VIPR1: variants seen among roughly 807,000 people sequenced by gnomAD.
The protein encoded by VIPR1 is vasoactive intestinal peptide receptor 1.
A neutral mutation model predicts 58.8 loss-of-function variants in VIPR1; 59 were observed. That is an observed-to-expected ratio of 1.00 (90% CI 0.81 to 1.25). VIPR1 has a LOEUF of 1.25. Among genes scored for constraint, VIPR1 ranks in the 50% most tolerant of loss-of-function variants. The pLI is 0.00. For synonymous variants in VIPR1, 251 were observed against 242.1 expected (o/e 1.04, Z -0.34); for missense variants, 626 against 602.7 (o/e 1.04, Z -0.40).
Position 42,531,539 on chromosome 3 carries a change from G to T in VIPR1, c.851+8G>T. ...CCATTTTGAGGATTATGGGTGAGCT[G>T]CTGCCCCACACACTCCCCCGGCCGC... is the stretch of plus-strand genomic sequence containing the variant. On this transcript the variant is annotated splice_region_variant and intron_variant, in intron 8 of 12. Coordinates refer to ENST00000325123, the MANE Select transcript of VIPR1 (RefSeq NM_004624.4). 1 of 1,594,122 alleles carries T rather than the reference G, an allele frequency of 6.3e-7. No individual in the cohort carries two copies. Among genetic ancestry groups the T allele is most frequent in the East Asian group, 2.3e-5 (1 of 43,990 alleles).
Position 42,535,102 on chromosome 3 carries a change from C to CAA in VIPR1, c.1139_1140insAA (p.Gly381ArgfsTer20). 1 of 1,614,188 alleles carries CAA rather than the reference C, an allele frequency of 6.2e-7. No individual in the cohort carries two copies. The highest frequency in any genetic ancestry group is 8.5e-7 in the Non-Finnish European group (1 of 1,180,022). ...CTTTGAGCTCGTCGTGGGGTCTTTC[C>CAA]AGGTATGGGCTGTTGACTTAAGGCT... is the stretch of plus-strand genomic sequence containing the variant. On this transcript the variant is annotated frameshift_variant and splice_region_variant, in exon 11 of 13. Transcript: ENST00000325123. LOFTEE classifies it high-confidence loss of function.
chr3:42,524,255 G>A (rs941401929), intron 3 of VIPR1, among the ~76,000 whole-genome samples: 1 of 152,192 alleles, frequency 6.6e-6, no homozygotes, highest in African/African-American at 2.4e-5. Context: ...CTTTGATGAG[G>A]GGCTGGGCTG....
chr3:42,530,653 A>G, intron 6 of VIPR1, 126 bp from the exon 7 acceptor site: 3 of 1,163,452 alleles, frequency 2.6e-6, no homozygotes, highest in Non-Finnish European at 3.6e-6. Context: ...TAAGGGGATA[A>G]TGCAAAACAA....
chr3:42,493,428 A>G (rs1003843263), intron 1 of VIPR1, among the ~76,000 whole-genome samples: 19 of 152,354 alleles, frequency 1.2e-4, no homozygotes, highest in African/African-American at 4.6e-4. Flanking sequence ...AATAAAGATG[A>G]TAAGAAGAAG....
chr3:42,523,640 C>T (rs7652101), intron 3 of VIPR1, among the ~76,000 whole-genome samples: 99 of 150,850 alleles, frequency 6.6e-4, no homozygotes, highest in African/African-American at 7.6e-4. Flanking sequence ...CACACACACA[C>T]GGCATGTGAA....
chr3:42,526,754 T>G (rs1701251238), intron 4 of VIPR1, among the ~76,000 whole-genome samples: 1 of 152,088 alleles, frequency 6.6e-6, no homozygotes, highest in Admixed American at 6.5e-5. Context: ...AGGAGTGGCT[T>G]GCCTAGTGGC....
intron 1 of VIPR1, chr3:42,506,360 A>AACTATGGCC (rs1700121291): frequency 6.6e-6 from 1 of 152,124 alleles, no homozygotes; most frequent in Non-Finnish European, 1.5e-5. Flanking sequence ...TGGAGCAGGG[A>AACTATGGCC]ATGGGGCCTG....
intron 1 of VIPR1, among the ~76,000 whole-genome samples, chr3:42,503,757 C>T (rs537685347): frequency 6.6e-6 from 1 of 152,296 alleles, no homozygotes; most frequent in South Asian, 2.1e-4. Context: ...CTGTCTCCCA[C>T]CAGTTAGACC....
upstream of VIPR1, chr3:42,502,617 A>G: frequency 1.3e-6 from 1 of 766,824 alleles, no homozygotes; most frequent in Non-Finnish European, 1.8e-6. Context: ...TGCGCCTCTT[A>G]GCTCTGGGGC....
chr3:42,528,108 G>A lies in VIPR1; in HGVS notation c.621G>A (p.Gln207=), dbSNP rs565786779. 3.1e-6 allele frequency: 5 copies of A among 1,613,752 alleles called. No homozygotes were observed. The highest frequency in any genetic ancestry group is 3.3e-5 in the Admixed American group (2 of 60,006). The part of the protein sequence containing the change: ...LALFDSGESD[Q]CSEGSVGCKA... ...TCTTCGACAGCGGGGAGTCGGACCA[G>A]TGCTCCGAGGGCTCGGTGAGGATCC... The change falls in exon 6 of 13, where the codon CAG becomes CAA. Residue 207 remains glutamine, a synonymous_variant. Transcript: ENST00000325123.
chr3:42,525,993 G>T lies in VIPR1; in HGVS notation c.399G>T (p.Glu133Asp). The stretch of plus-strand genomic sequence containing the variant: ...ATGACAAGGCAGCGAGTTTGGATGA[G>T]GTGGGTCTCAGGGCACCCCCACCTC... ...GLDDKAASLD[E>D]QQTMFYGSVK... The change falls in exon 4 of 13, where the codon GAG (glutamate) becomes GAT (aspartate). Residue 133 changes from glutamate (E) to aspartate (D), a missense_variant and splice_region_variant. By Grantham distance (45) the Glu-to-Asp change is conservative. Transcript: ENST00000325123. The T allele has an allele frequency of 6.2e-7, 1 of 1,610,008 alleles. No individual in the cohort carries two copies. Among genetic ancestry groups the T allele is most frequent in the Non-Finnish European group, 8.5e-7 (1 of 1,178,270 alleles).
chr3:42,527,491 G>A lies in VIPR1; in HGVS notation c.498G>A (p.Leu166=). The A allele has an allele frequency of 1.2e-6, 2 of 1,613,568 alleles. No homozygotes were observed. The highest frequency in any genetic ancestry group is 1.7e-6 in the Non-Finnish European group (2 of 1,179,932). ...TGGTCGCCACAGCTATCCTGAGCCT[G>A]TTCAGGTGAGGCCCAGCCCAAGTCA... The part of the protein sequence containing the change: ...TLLVATAILS[L]FRKLHCTRNY... The change falls in exon 5 of 13, where the codon CTG becomes CTA. Residue 166 remains leucine, a synonymous_variant. Transcript: ENST00000325123.
At chr3:42,501,152 G>A (rs184132225), upstream of VIPR1, among the ~76,000 whole-genome samples, 179 of 152,218 alleles carry the variant, frequency 1.2e-3, 1 homozygote, top group Middle Eastern at 6.8e-3. The surrounding 1 kb of genome is among the most constrained non-coding windows in gnomAD (Gnocchi z 4.8). Context: ...AAGGGAGGAA[G>A]AAAGAAGAGA....
At chr3:42,490,308 C>T (rs1699643833) in intron 1 of VIPR1, among the ~76,000 whole-genome samples, 1 of 152,262 alleles carries the variant, frequency 6.6e-6, no homozygotes, top group South Asian at 2.1e-4. Context: ...TTCACACGAG[C>T]TGCAGCAGAG....
intron 8 of VIPR1, 51 bp from the exon 9 acceptor site, chr3:42,531,750 GTC>G: frequency 6.2e-7 from 1 of 1,611,292 alleles, no homozygotes; most frequent in Non-Finnish European, 8.5e-7. Context: ...GTGCTGCTGA[GTC>G]TCTCTCTGGC....
Position 42,535,003 on chromosome 3 carries a change from A to C in VIPR1, c.1039A>C (p.Ile347Leu). 1.2e-6 allele frequency: 2 copies of C among 1,614,134 alleles called. No homozygotes were observed. Among genetic ancestry groups the C allele is most frequent in the Middle Eastern group, 3.3e-4 (2 of 6,062 alleles). Residue 347 changes from isoleucine (I) to leucine (L), a missense_variant, in exon 11 of 13, where the codon ATC (isoleucine) becomes CTC (leucine). By Grantham distance (5) the Ile-to-Leu change is conservative (BLOSUM62 2). Transcript: ENST00000325123. ...GCTAGCCAGGTCCACACTCCTGCTG[A>C]TCCCCCTGTTTGGAGTACACTACAT... ...SRLARSTLLLIPLFGVHYIMF... is the reference protein window; with the variant it reads ...SRLARSTLLLLPLFGVHYIMF...
chr3:42,527,759 G>A (rs1701311720), intron 5 of VIPR1: 1 of 658,606 alleles, frequency 1.5e-6, no homozygotes, highest in Non-Finnish European at 2.6e-6. Context: ...ACAGGAATGA[G>A]GCTTCTGGGG....
intron 4 of VIPR1, 74 bp downstream of exon 4, chr3:42,526,067 G>A (rs186633919): frequency 5.0e-5 from 70 of 1,391,330 alleles, no homozygotes; most frequent in East Asian, 4.2e-4. Flanking sequence ...CTCTCCCACC[G>A]AGGGGTGTGG....
chr3:42,530,962 G>C (rs776177131), intron 7 of VIPR1, 30 bp downstream of exon 7: 2 of 1,611,414 alleles, frequency 1.2e-6, no homozygotes, highest in Non-Finnish European at 1.7e-6. Flanking sequence ...TTCCAGGCTG[G>C]GGACAGAGGG....
Sources: allele counts gnomAD v4.1 joint callset (sites outside exome capture counted in the v4.1 genomes callset), GRCh38; gene constraint gnomAD v4.1.1; non-coding constraint Gnocchi (gnomAD v3.1); transcripts MANE v1.5; gene names NCBI Gene and HGNC (gene_info 2026-07-23, HGNC 2026-07-21).